Variants in ARB2A observed in about 807,000 individuals in gnomAD.
The protein encoded by ARB2A is cotranscriptional regulator ARB2A.
the ARB2A span, among the ~76,000 whole-genome samples, chr5:93,843,363 TTTCA>T: frequency 6.6e-6 from 1 of 151,898 alleles, no homozygotes; most frequent in Non-Finnish European, 1.5e-5. Flanking sequence ...TCAAAAACAC[TTTCA>T]TTATTATCTT....
At chr5:93,811,601 C>A in the ARB2A span, among the ~76,000 whole-genome samples, 3 of 151,984 alleles carry the variant, frequency 2.0e-5, no homozygotes, top group East Asian at 5.8e-4. Flanking sequence ...TTCACAGGTA[C>A]TTGATGAGAA....
At chr5:93,840,952 A>G in the ARB2A span, among the ~76,000 whole-genome samples, 1 of 152,190 alleles carries the variant, frequency 6.6e-6, no homozygotes, top group South Asian at 2.1e-4. Context: ...ATTGGGCCAT[A>G]CTGCCACAAA....
At chr5:93,662,350 T>G in the ARB2A span, among the ~76,000 whole-genome samples, 2 of 152,082 alleles carry the variant, frequency 1.3e-5, no homozygotes, top group Non-Finnish European at 2.9e-5. Context: ...AAGGAGATAG[T>G]GTATTGAGTT....
the ARB2A span, among the ~76,000 whole-genome samples, chr5:93,705,649 G>A: frequency 0.019 from 2,666 of 141,310 alleles, 89 homozygotes; most frequent in African/African-American, 0.066. Flanking sequence ...GTGTGTGTGT[G>A]TGTATATATA....
At chr5:93,820,551 T>G in the ARB2A span, among the ~76,000 whole-genome samples, 4 of 152,236 alleles carry the variant, frequency 2.6e-5, no homozygotes, top group African/African-American at 9.6e-5. Flanking sequence ...TGTAGATTTC[T>G]TTCCAGATGA....
the ARB2A span, among the ~76,000 whole-genome samples, chr5:93,874,181 C>A: frequency 2.0e-5 from 3 of 152,046 alleles, no homozygotes; most frequent in Admixed American, 2.0e-4. Flanking sequence ...TACTGTAATA[C>A]GAAAACATAT....
At chr5:94,033,744 T>A in the ARB2A span, among the ~76,000 whole-genome samples, 1 of 152,184 alleles carries the variant, frequency 6.6e-6, no homozygotes, top group Non-Finnish European at 1.5e-5. Flanking sequence ...GTATTTTGCA[T>A]GTAAGAAGGA....
the ARB2A span, among the ~76,000 whole-genome samples, chr5:94,027,012 G>A: frequency 5.9e-5 from 9 of 152,214 alleles, no homozygotes; most frequent in African/African-American, 1.4e-4. Context: ...CAGTTAGCCT[G>A]TTACTGTTTC....
chr5:93,626,370 T>C, the ARB2A span, among the ~76,000 whole-genome samples: 1 of 152,202 alleles, frequency 6.6e-6, no homozygotes, highest in African/African-American at 2.4e-5. Context: ...ATCTGAGTTG[T>C]AGAGTAACTT....
At chr5:93,740,396 T>C in the ARB2A span, 2 of 626,146 alleles carry the variant, frequency 3.2e-6, no homozygotes, top group South Asian at 5.9e-5. Flanking sequence ...AACTTCATCT[T>C]CTCTCCCAGG....
the ARB2A span, among the ~76,000 whole-genome samples, chr5:94,034,080 A>G: frequency 6.6e-6 from 1 of 152,248 alleles, no homozygotes; most frequent in East Asian, 1.9e-4. Flanking sequence ...GAAGTTGAGC[A>G]GATGCCAGTG....
the ARB2A span, among the ~76,000 whole-genome samples, chr5:93,915,647 A>T: frequency 1.3e-5 from 2 of 152,024 alleles, no homozygotes; most frequent in Non-Finnish European, 2.9e-5. Context: ...TATGAAACCC[A>T]AATATCTGAG....
the ARB2A span, chr5:94,074,584 A>G: frequency 1.6e-6 from 2 of 1,280,506 alleles, no homozygotes; most frequent in African/African-American, 1.5e-5. Flanking sequence ...GGTCACCTAA[A>G]TATTCCTACA....
At chr5:94,081,226 T>G in the ARB2A span, among the ~76,000 whole-genome samples, 2 of 152,190 alleles carry the variant, frequency 1.3e-5, no homozygotes, top group Non-Finnish European at 2.9e-5. Context: ...CCTGATATAT[T>G]GCTAGTGTGA....
At chr5:94,093,776 T>G in the ARB2A span, among the ~76,000 whole-genome samples, 3 of 152,216 alleles carry the variant, frequency 2.0e-5, no homozygotes, top group African/African-American at 7.2e-5. Flanking sequence ...CTAAATTAGG[T>G]ATGGGTAAGA....
the ARB2A span, among the ~76,000 whole-genome samples, chr5:93,839,535 T>C: frequency 2.6e-5 from 4 of 152,312 alleles, no homozygotes; most frequent in African/African-American, 4.8e-5. Flanking sequence ...GCTGGCCTTA[T>C]AGAATGGGTT....
chr5:94,002,726 C>A, the ARB2A span, among the ~76,000 whole-genome samples: 1 of 151,770 alleles, frequency 6.6e-6, no homozygotes, highest in Non-Finnish European at 1.5e-5. Flanking sequence ...AAAGTCAACT[C>A]TTTTAAAATA....
At chr5:93,767,993 C>CAAAAAAAA in the ARB2A span, among the ~76,000 whole-genome samples, 3 of 20,954 alleles carry the variant, frequency 1.4e-4, no homozygotes, top group Non-Finnish European at 1.2e-4. Context: ...GACTCCATCT[C>CAAAAAAAA]AAAAAAAAAA....
chr5:94,054,273 T>C, the ARB2A span, among the ~76,000 whole-genome samples: 18 of 152,164 alleles, frequency 1.2e-4, no homozygotes, highest in African/African-American at 4.1e-4. Context: ...TAGTGTTCAT[T>C]TTCTTTTCCA....
Sources: gnomAD v4.1 joint callset for allele counts (sites outside exome capture counted in the v4.1 genomes callset) on GRCh38, gnomAD v4.1.1 for gene constraint, MANE v1.5 for transcripts, NCBI Gene and HGNC (gene_info 2026-07-23, HGNC 2026-07-21) for gene names.